The following LDB2 variants were observed in gnomAD, a reference collection of about 807,000 sequenced individuals.
LDB2 encodes LIM domain binding 2.
A neutral mutation model predicts 44.3 loss-of-function variants in LDB2; 12 were observed. The ratio of observed to expected loss-of-function variants is 0.27; its 90% CI spans 0.17 to 0.44. LDB2 has a LOEUF of 0.44. Ranked by LOEUF, LDB2 falls within the 20% of genes least tolerant of loss-of-function variation. LDB2 has a pLI of 1.00. For synonymous variants in LDB2, 164 were observed against 174.8 expected, an observed-to-expected ratio of 0.94 and a Z score of 0.49; for missense variants, 344 against 473.5, an observed-to-expected ratio of 0.73 and a Z score of 2.54.
intron 2 of LDB2, among the ~76,000 whole-genome samples, chr4:16,647,812 T>A (rs1488671193): frequency 6.6e-6 from 1 of 152,244 alleles, no homozygotes; most frequent in East Asian, 1.9e-4. Context: ...ACTTGTGTTA[T>A]GAGGTTCTCT....
intron 7 of LDB2, chr4:16,506,602 T>C (rs1719558115): frequency 6.6e-6 from 1 of 152,310 alleles, no homozygotes; most frequent in Admixed American, 6.5e-5. Flanking sequence ...TCTACAACCA[T>C]GTCAGACATC....
chr4:16,653,319 G>A (rs1213938259), intron 2 of LDB2, among the ~76,000 whole-genome samples: 6 of 152,182 alleles, frequency 3.9e-5, no homozygotes, highest in African/African-American at 1.4e-4. Flanking sequence ...ATACACCAGG[G>A]TGGACAGCAG....
At chr4:16,828,290 A>T (rs967526313) in intron 1 of LDB2, among the ~76,000 whole-genome samples, 23 of 152,196 alleles carry the variant, frequency 1.5e-4, no homozygotes, top group African/African-American at 5.1e-4. Context: ...ACATTCCTGC[A>T]TTCCTTTACT....
intron 2 of LDB2, among the ~76,000 whole-genome samples, chr4:16,724,747 A>G (rs372166039): frequency 6.6e-6 from 1 of 152,286 alleles, no homozygotes; most frequent in African/African-American, 2.4e-5. Context: ...TCCAAACCCT[A>G]TGCAAACTTT....
chr4:16,568,098 C>A (rs1745191517), intron 5 of LDB2, among the ~76,000 whole-genome samples: 1 of 151,906 alleles, frequency 6.6e-6, no homozygotes, highest in South Asian at 2.1e-4. Context: ...AATCTTTGAC[C>A]TGAAAAAAAC....
chr4:16,774,744 C>T (rs915642231), intron 1 of LDB2, among the ~76,000 whole-genome samples: 4 of 152,056 alleles, frequency 2.6e-5, no homozygotes, highest in Admixed American at 6.5e-5. Flanking sequence ...CCTTTGAACT[C>T]CTCTTTGTGT....
chr4:16,806,936 A>G (rs1443127418), intron 1 of LDB2, among the ~76,000 whole-genome samples: 1 of 152,258 alleles, frequency 6.6e-6, no homozygotes, highest in Non-Finnish European at 1.5e-5. Context: ...GATAATACAC[A>G]AAAAGGACTT....
rs112404522 is a variant in LDB2, at chr4:16,509,205, A to G, written c.740-519T>C. 4.1e-4 allele frequency among the ~76,000 whole-genome samples: 63 copies of G among 152,158 alleles called. 1 individual carries two copies. Among genetic ancestry groups the G allele is most frequent in the Non-Finnish European group, 1.8e-4 (12 of 68,028 alleles). On this transcript the variant is annotated intron_variant, in intron 6 of 7. Transcript: ENST00000304523. ...AAATGTCATATTGCAACCCACCTCT[A>G]TTATACCTTTATAGAATTCTCAAGT...
At chr4:16,821,746 CAA>C (rs562184189) in intron 1 of LDB2, among the ~76,000 whole-genome samples, 19,529 of 61,332 alleles carry the variant, frequency 0.32, 2,123 homozygotes, top group South Asian at 0.49. Context: ...AACATTAAAG[CAA>C]AAAAAAAAAA....
chr4:16,586,918 G>A (rs1213261370), intron 4 of LDB2, among the ~76,000 whole-genome samples: 2 of 152,170 alleles, frequency 1.3e-5, no homozygotes, highest in Non-Finnish European at 2.9e-5. Context: ...TTATACTAAT[G>A]TGACTTATTC....
chr4:16,645,008 A>G (rs1736299940), intron 2 of LDB2, among the ~76,000 whole-genome samples: 1 of 152,220 alleles, frequency 6.6e-6, no homozygotes, highest in Admixed American at 6.5e-5. Context: ...GGAAACAGAA[A>G]AACTCTTACT....
intron 5 of LDB2, among the ~76,000 whole-genome samples, chr4:16,574,622 T>A (rs1241799436): frequency 6.6e-6 from 1 of 152,192 alleles, no homozygotes; most frequent in East Asian, 1.9e-4. Context: ...TATTCACACA[T>A]GAGAGAACTG....
chr4:16,591,580 T>C (rs1718966403), intron 3 of LDB2, among the ~76,000 whole-genome samples: 1 of 152,230 alleles, frequency 6.6e-6, no homozygotes, highest in African/African-American at 2.4e-5. Context: ...TGGTCACTGC[T>C]GGTCTTCCCC....
At chr4:16,650,814 G>A (rs527773606) in intron 2 of LDB2, among the ~76,000 whole-genome samples, 21 of 152,296 alleles carry the variant, frequency 1.4e-4, no homozygotes, top group African/African-American at 4.8e-4. Context: ...AAAAGTGGGA[G>A]TCACTGAAGA....
intron 2 of LDB2, among the ~76,000 whole-genome samples, chr4:16,671,490 C>T (rs1198060075): frequency 6.6e-6 from 1 of 152,178 alleles, no homozygotes; most frequent in Non-Finnish European, 1.5e-5. Context: ...CAGGTCCCTA[C>T]TGTCTCAGCA....
At chr4:16,813,982 C>T (rs1462020963) in intron 1 of LDB2, among the ~76,000 whole-genome samples, 1 of 151,932 alleles carries the variant, frequency 6.6e-6, no homozygotes, top group Non-Finnish European at 1.5e-5. Flanking sequence ...GGCCATTCTC[C>T]TGCCTCAGCC....
At chr4:16,539,138 C>T (rs1050763382) in intron 5 of LDB2, among the ~76,000 whole-genome samples, 2 of 152,138 alleles carry the variant, frequency 1.3e-5, no homozygotes, top group Non-Finnish European at 2.9e-5. Flanking sequence ...AGCTGTCCTA[C>T]AATTGGGGAT....
chr4:16,864,721 T>A lies in LDB2; in HGVS notation c.132+33633A>T, dbSNP rs529883132. On this transcript the variant is annotated intron_variant, in intron 1 of 7. Coordinates refer to ENST00000304523, the MANE Select transcript of LDB2 (RefSeq NM_001290.5). Reference sequence around the variant, plus strand: ...GGATGGATCACCTGAGGTCAGGAGTTCGAGACCAGCCTGGCCAATATGGTG... The same window carrying A: ...GGATGGATCACCTGAGGTCAGGAGTACGAGACCAGCCTGGCCAATATGGTG... 2.0e-5 allele frequency among the ~76,000 whole-genome samples: 3 copies of A among 152,184 alleles called. No individual in the cohort carries two copies. In the South Asian group the frequency reaches 6.2e-4, roughly 32 times the overall value.
At chr4:16,839,173 T>C (rs963517785) in intron 1 of LDB2, among the ~76,000 whole-genome samples, 2 of 150,638 alleles carry the variant, frequency 1.3e-5, no homozygotes, top group Non-Finnish European at 2.9e-5. Context: ...AGTGCTGCTA[T>C]AAAAGAATAC....
Sources: allele counts gnomAD v4.1 joint callset (sites outside exome capture counted in the v4.1 genomes callset), GRCh38; gene constraint gnomAD v4.1.1; transcripts MANE v1.5; gene names NCBI Gene and HGNC (gene_info 2026-07-23, HGNC 2026-07-21).